The following MCCC2 variants were observed in gnomAD, a reference collection of about 807,000 sequenced individuals.
The protein encoded by MCCC2 is methylcrotonoyl-CoA carboxylase beta chain, mitochondrial.
MCCC2 carries 52 observed loss-of-function variants against 77.2 expected under a neutral mutation model. The ratio of observed to expected loss-of-function variants is 0.67; its 90% CI spans 0.54 to 0.85. The LOEUF (loss-of-function observed/expected upper bound fraction) is 0.85, where lower values mean the gene tolerates loss of function less well. Among genes scored for constraint, MCCC2 ranks in the 40% least tolerant of loss-of-function variants. The pLI is 0.00. For synonymous variants in MCCC2, 253 were observed against 248.4 expected (o/e 1.02, Z -0.18); for missense variants, 682 against 703.2 (o/e 0.97, Z 0.34).
chr5:71,603,587 G>A (rs1057033670), intron 5 of MCCC2, among the ~76,000 whole-genome samples: 15 of 151,958 alleles, frequency 9.9e-5, no homozygotes, highest in South Asian at 6.2e-4. Context: ...CTCACAATAC[G>A]AACTGCTCTG....
In MCCC2 at chr5:71,643,897, C is replaced by T. The variant is rs531881169; in HGVS notation, c.1149+2C>T. The T allele has an allele frequency of 4.3e-6, 7 of 1,613,918 alleles. 1 individual carries two copies. Among genetic ancestry groups the T allele is most frequent in the African/African-American group, 4.0e-5 (3 of 74,980 alleles). On this transcript the variant is annotated splice_donor_variant, in intron 12 of 16. Transcript: ENST00000340941. LOFTEE classifies it low-confidence loss of function (GC_TO_GT_DONOR). Reference sequence around the variant, plus strand: ...CTCTTTTCTGAATCTGCAAAAAAGGCAAGTACTGTTAAAAATATTTCAAGA... The same window carrying T: ...CTCTTTTCTGAATCTGCAAAAAAGGTAAGTACTGTTAAAAATATTTCAAGA...
rs2242372 is a variant in MCCC2, at chr5:71,652,827, G to A, written c.1574+73G>A. 1,068,368 of 1,242,464 alleles carry A rather than the reference G, an allele frequency of 0.86. 462,838 individuals are homozygous for A. The highest frequency in any genetic ancestry group is 0.97 in the East Asian group (41,943 of 43,112). The allele number at this position is 1,242,464 out of a possible 1,614,324, so 77.0% of individuals were successfully genotyped here. A position where few individuals can be genotyped will look rare whatever the true frequency, so the allele number is the denominator to read the frequency against. On this transcript the variant is annotated intron_variant, in intron 16 of 16. Coordinates refer to ENST00000340941, the MANE Select transcript of MCCC2 (RefSeq NM_022132.5). ...CAGAGGAACAGCTTTACAGAGCTCT[G>A]TGTAGTTGAGATGGTCCAGCATTCA...
chr5:71,629,776 T>C (rs1303655692), intron 7 of MCCC2, among the ~76,000 whole-genome samples: 2 of 150,862 alleles, frequency 1.3e-5, no homozygotes, highest in Non-Finnish European at 2.9e-5. Context: ...ATTATTATTT[T>C]AATTTATCTC....
intron 6 of MCCC2, among the ~76,000 whole-genome samples, chr5:71,607,465 CT>C (rs1202458999): frequency 6.9e-6 from 1 of 145,772 alleles, no homozygotes; most frequent in African/African-American, 2.5e-5. Context: ...ATTCTTCTCT[CT>C]TTTTTTCTTT....
At chr5:71,621,093 A>G (rs1746333823) in intron 6 of MCCC2, among the ~76,000 whole-genome samples, 2 of 152,142 alleles carry the variant, frequency 1.3e-5, no homozygotes, top group South Asian at 4.1e-4. Flanking sequence ...ATGTCTTTTC[A>G]GTGTCCTTAG....
chr5:71,628,448 C>G (rs377235682), intron 7 of MCCC2, among the ~76,000 whole-genome samples: 8 of 152,156 alleles, frequency 5.3e-5, no homozygotes, highest in Non-Finnish European at 1.0e-4. Context: ...ATCCAAGAAG[C>G]CTTTGCCTAA....
intron 4 of MCCC2, among the ~76,000 whole-genome samples, chr5:71,600,702 A>G (rs937530601): frequency 3.9e-5 from 6 of 152,222 alleles, no homozygotes; most frequent in Non-Finnish European, 7.4e-5. Flanking sequence ...AAATTAAGCA[A>G]AAAAGAGGAT....
At chr5:71,655,053 C>T (rs995009117) in intron 16 of MCCC2, among the ~76,000 whole-genome samples, 5 of 152,112 alleles carry the variant, frequency 3.3e-5, no homozygotes, top group South Asian at 4.1e-4. Flanking sequence ...AGGCTTGTCT[C>T]GAACTCCCAA....
At chr5:71,628,422 G>A (rs1457121337) in intron 7 of MCCC2, among the ~76,000 whole-genome samples, 1 of 151,934 alleles carries the variant, frequency 6.6e-6, no homozygotes, top group Non-Finnish European at 1.5e-5. Flanking sequence ...TTGGTTTCTT[G>A]TGCTTTTGGT....
At chr5:71,632,038 A>G in intron 7 of MCCC2, 83 bp from the exon 8 acceptor site, 1 of 1,145,274 alleles carries the variant, frequency 8.7e-7, no homozygotes, top group Non-Finnish European at 1.3e-6. Context: ...AGGTATAGTC[A>G]GGTGAGGAGT....
intron 6 of MCCC2, among the ~76,000 whole-genome samples, 192 bp downstream of exon 6, chr5:71,604,660 C>T (rs1189949008): frequency 1.3e-5 from 2 of 151,780 alleles, no homozygotes; most frequent in Non-Finnish European, 2.9e-5. Flanking sequence ...ACACATGTGC[C>T]ATGCTGGTGC....
chr5:71,649,492 A>G (rs1325412478), intron 14 of MCCC2, among the ~76,000 whole-genome samples: 1 of 152,230 alleles, frequency 6.6e-6, no homozygotes, highest in Non-Finnish European at 1.5e-5. Flanking sequence ...AATGCCACAC[A>G]TTAAGATTTG....
At position 71,593,149 on chromosome 5, in the gene MCCC2, G is replaced by A. The variant is rs548460761; in HGVS notation, c.196+157G>A. ...CTTGCCCAGGCTGGAGTGCAGTGGC[G>A]CCATCTCAGCTCACTGCAACCTCCG... On this transcript the variant is annotated intron_variant, in intron 2 of 16. Transcript: ENST00000340941. Among the ~76,000 whole-genome samples the A allele has an allele frequency of 4.6e-5, 7 of 150,562 alleles. No homozygotes were observed. In the South Asian group the frequency reaches 1.3e-3, roughly 27 times the overall value.
intron 10 of MCCC2, 98 bp from the exon 11 acceptor site, chr5:71,640,905 T>C: frequency 9.6e-7 from 1 of 1,043,976 alleles, no homozygotes; most frequent in Non-Finnish European, 1.5e-6. Context: ...TTTGTGAAAG[T>C]GACAACTTCA....
chr5:71,644,960 AAT>A (rs1422016521), intron 12 of MCCC2, among the ~76,000 whole-genome samples: 1 of 152,162 alleles, frequency 6.6e-6, no homozygotes, highest in African/African-American at 2.4e-5. Flanking sequence ...ATTTTTTCTT[AAT>A]AGTTTCCTTT....
chr5:71,646,323 G>T (rs767124718), intron 13 of MCCC2, 46 bp downstream of exon 13: 3 of 1,558,790 alleles, frequency 1.9e-6, no homozygotes, highest in Non-Finnish European at 2.7e-6. Flanking sequence ...TTCCAGAGCT[G>T]TACCATCAGT....
chr5:71,600,278 G>T (rs1222146663), intron 4 of MCCC2, among the ~76,000 whole-genome samples: 3 of 152,118 alleles, frequency 2.0e-5, no homozygotes, highest in African/African-American at 7.2e-5. Context: ...AAAAAATTCA[G>T]TCATTTAATA....
At chr5:71,641,130 G>A (rs1192065805) in intron 11 of MCCC2, 55 bp downstream of exon 11, 1 of 1,505,548 alleles carries the variant, frequency 6.6e-7, no homozygotes, top group Non-Finnish European at 9.2e-7. Context: ...TGAAAATCAG[G>A]AATCTCTTGT....
chr5:71,598,606 A>ATTT (rs34190236), intron 3 of MCCC2, among the ~76,000 whole-genome samples: 7 of 115,328 alleles, frequency 6.1e-5, no homozygotes, highest in East Asian at 2.7e-4. Flanking sequence ...CGCCTGGCTA[A>ATTT]TTTTTTTTTT....
Sources: gnomAD v4.1 joint callset for allele counts (sites outside exome capture counted in the v4.1 genomes callset) on GRCh38, gnomAD v4.1.1 for gene constraint, MANE v1.5 for transcripts, NCBI Gene and HGNC (gene_info 2026-07-23, HGNC 2026-07-21) for gene names.